The following CYGB variants were observed in gnomAD, a reference collection of about 807,000 sequenced individuals.
CYGB encodes the protein cytoglobin, also known as histoglobin.
CYGB carries 13 observed loss-of-function variants against 20.7 expected under a neutral mutation model. The ratio of observed to expected loss-of-function variants is 0.63; its 90% CI spans 0.41 to 1.00. The LOEUF (loss-of-function observed/expected upper bound fraction) is 1.00. Ranked by LOEUF, CYGB falls within the 50% of genes least tolerant of loss-of-function variation. The probability of loss-of-function intolerance (pLI) is 0.00; values close to 1 mark genes in which losing one functional copy is unlikely to be tolerated. For synonymous variants in CYGB, 93 were observed against 107.4 expected (o/e 0.87, Z 0.83); for missense variants, 218 against 257.2 (o/e 0.85, Z 1.04).
intron 1 of CYGB, chr17:76,544,257 G>A (rs764100191): frequency 5.1e-5 from 23 of 454,414 alleles, no homozygotes; most frequent in Non-Finnish European, 7.5e-5. Context: ...GCCCAGCGGC[G>A]ATGTCTCTGC....
chr17:76,548,418 T>C (rs1198318311), intron 1 of CYGB, among the ~76,000 whole-genome samples: 1 of 152,230 alleles, frequency 6.6e-6, no homozygotes, highest in African/African-American at 2.4e-5. Context: ...GAACCTGCAA[T>C]GTACAAACCC....
chr17:76,540,795 C>T (rs1598212012), upstream of CYGB, among the ~76,000 whole-genome samples: 1 of 152,232 alleles, frequency 6.6e-6, no homozygotes, highest in Non-Finnish European at 1.5e-5. The surrounding 1 kb of genome is among the most constrained non-coding windows in gnomAD (Gnocchi z 5.0). Context: ...GGACCAAAGC[C>T]GCTGTGCCTC....
Position 76,531,245 on chromosome 17 carries a change from C to A in CYGB, c.376-103G>T. The A allele has an allele frequency of 7.4e-7, 1 of 1,349,384 alleles. No homozygotes were observed. The highest frequency in any genetic ancestry group is 1.0e-6 in the Non-Finnish European group (1 of 982,672). The allele number at this position is 1,349,384 out of a possible 1,614,324, so 83.6% of individuals were successfully genotyped here. ...GTGTGGCCGAGAGGATCATTCCTAA[C>A]GCAACAGTCTGGCAGCTTTGGGAAC... is the stretch of plus-strand genomic sequence containing the variant. On this transcript the variant is annotated intron_variant, in intron 2 of 3. Coordinates refer to ENST00000293230, the MANE Select transcript of CYGB (RefSeq NM_134268.5). The surrounding 1 kb of genome is among the most constrained non-coding windows in gnomAD (Gnocchi z 7.4).
At position 76,531,659 on chromosome 17, in the gene CYGB, T is replaced by C. The variant is rs2074845825; in HGVS notation, c.176A>G (p.Tyr59Cys). 1 of 1,602,676 alleles carries C rather than the reference T, an allele frequency of 6.2e-7. No individual in the cohort carries two copies. The highest frequency in any genetic ancestry group is 8.5e-7 in the Non-Finnish European group (1 of 1,170,508). ...FFVNFPSAKQ[Y>C]FSQFKHMEDP... ...CTCCATGTGCTTGAACTGGCTGAAG[T>C]ACTGCTTGGCCGAGGGGAAGTTCAC... The change falls in exon 2 of 4, where the codon TAC becomes TGC. Residue 59 changes from tyrosine (Y) to cysteine (C), a missense_variant. Around this residue, in one of 2 missense-constraint regions of CYGB, gnomAD observed 152 missense variants for 149.9 expected, o/e 1.01. Transcript: ENST00000293230. This position sits in a 1 kb window ranked among gnomAD's most constrained non-coding sequence, Gnocchi z 7.4.
At chr17:76,534,333 C>T (rs1183837301) in intron 1 of CYGB, among the ~76,000 whole-genome samples, 1 of 152,096 alleles carries the variant, frequency 6.6e-6, no homozygotes, top group Non-Finnish European at 1.5e-5. Flanking sequence ...TGCCCGCCAC[C>T]ACACCCGGCT....
At chr17:76,536,650 G>A (rs904666632) in intron 1 of CYGB, among the ~76,000 whole-genome samples, 6 of 152,150 alleles carry the variant, frequency 3.9e-5, no homozygotes, top group Admixed American at 3.9e-4. Context: ...GTCTCTTGGG[G>A]GCATGTAGTG....
chr17:76,530,852 G>T lies in CYGB; in HGVS notation c.539+127C>A. The T allele has an allele frequency of 1.9e-6, 2 of 1,062,486 alleles. No individual in the cohort carries two copies. The highest frequency in any genetic ancestry group is 1.8e-5 in the South Asian group (1 of 56,880). 65.8% of individuals were successfully genotyped at this position (1,062,486 alleles called of 1,614,324 possible). A position where few individuals can be genotyped will look rare whatever the true frequency, so the allele number is the denominator to read the frequency against. On this transcript the variant is annotated intron_variant, in intron 3 of 3. Transcript: ENST00000293230. The surrounding 1 kb of genome is among the most constrained non-coding windows in gnomAD (Gnocchi z 6.1). ...CTGTTCTTACATGTCAGACCCCAGGGTTGGCCTGCCTCAAGTGTGCCTGCC... is the reference window on the plus strand; with the variant it reads ...CTGTTCTTACATGTCAGACCCCAGGTTTGGCCTGCCTCAAGTGTGCCTGCC...
intron 1 of CYGB, among the ~76,000 whole-genome samples, chr17:76,547,689 TCACA>T (rs755549580): frequency 9.3e-5 from 12 of 129,018 alleles, no homozygotes; most frequent in South Asian, 2.7e-4. Context: ...ACACCCACAT[TCACA>T]CACACAGACA....
intron 1 of CYGB, among the ~76,000 whole-genome samples, chr17:76,532,310 G>A (rs914063984): frequency 6.6e-6 from 1 of 152,060 alleles, no homozygotes; most frequent in African/African-American, 2.4e-5. Context: ...ATGTTCCTCG[G>A]GTGAGCCACA....
chr17:76,531,769 G>C lies in CYGB; in HGVS notation c.144-78C>G. On this transcript the variant is annotated intron_variant, in intron 1 of 3. Transcript: ENST00000293230. The surrounding 1 kb of genome is among the most constrained non-coding windows in gnomAD (Gnocchi z 7.4). ...CCCTGAAGCTTCCAGGATAGTGGGGGCTGAAGAAGTGGACCGCAGTGCTCC... is the reference window on the plus strand; with the variant it reads ...CCCTGAAGCTTCCAGGATAGTGGGGCCTGAAGAAGTGGACCGCAGTGCTCC... The C allele has an allele frequency of 7.9e-7, 1 of 1,267,316 alleles. No individual in the cohort carries two copies. Among genetic ancestry groups the C allele is most frequent in the Non-Finnish European group, 1.1e-6 (1 of 904,668 alleles). The allele number at this position is 1,267,316 out of a possible 1,614,324, so 78.5% of individuals were successfully genotyped here. A position where few individuals can be genotyped will look rare whatever the true frequency, so the allele number is the denominator to read the frequency against.
upstream of CYGB, chr17:76,540,534 G>A (rs764158636): frequency 1.2e-6 from 2 of 1,613,682 alleles, no homozygotes; most frequent in East Asian, 4.5e-5. This position sits in a 1 kb window ranked among gnomAD's most constrained non-coding sequence, Gnocchi z 5.0. Context: ...GGGGCAGCTA[G>A]GGGCAGCAGC....
At chr17:76,529,197 G>C (rs2074803798) in intron 3 of CYGB, 1 of 985,296 alleles carries the variant, frequency 1.0e-6, no homozygotes, top group African/African-American at 1.7e-5. Context: ...TCCTACCCTC[G>C]AGCCCATGGG....
At chr17:76,534,612 C>T (rs908727200) in intron 1 of CYGB, among the ~76,000 whole-genome samples, 1 of 152,254 alleles carries the variant, frequency 6.6e-6, no homozygotes, top group Admixed American at 6.5e-5. Flanking sequence ...GAGGTAGGCA[C>T]TGTTTTAATC....
At chr17:76,538,325 T>TAGCACGGGGGTC (rs2074947037), upstream of CYGB, 1 of 308,198 alleles carries the variant, frequency 3.2e-6, no homozygotes, top group African/African-American at 2.3e-5. Flanking sequence ...TCTGGGGGGT[T>TAGCACGGGGGTC]AGCACGGGGG....
At chr17:76,539,043 G>T (rs1198111225), upstream of CYGB, among the ~76,000 whole-genome samples, 1 of 152,208 alleles carries the variant, frequency 6.6e-6, no homozygotes, top group African/African-American at 2.4e-5. Flanking sequence ...GGTGCCTGGG[G>T]GACCCTGAGG....
At chr17:76,551,047 C>G (rs1180896818) in exon 1 of CYGB, 1 of 152,230 alleles carries the variant, frequency 6.6e-6, no homozygotes, top group Non-Finnish European at 1.5e-5. Flanking sequence ...TCCAAGTCCT[C>G]CTGGGTTGCA....
At chr17:76,542,506 G>A, upstream of CYGB, 2 of 1,612,732 alleles carry the variant, frequency 1.2e-6, no homozygotes, top group East Asian at 4.5e-5. Context: ...AGAAACATGG[G>A]AAGGTCGTGC....
Position 76,527,678 on chromosome 17 carries a change from G to A in CYGB, c.*900C>T, listed in dbSNP as rs752344620. On this transcript the variant is annotated 3_prime_UTR_variant, in exon 4 of 4. Coordinates refer to ENST00000293230, the MANE Select transcript of CYGB (RefSeq NM_134268.5). Reference sequence around the variant, plus strand: ...GGGTGAGACCCAGGCATGTGGTCCCGCCGACCTGCTGCCCAGCAGCCCGGA... The same window carrying A: ...GGGTGAGACCCAGGCATGTGGTCCCACCGACCTGCTGCCCAGCAGCCCGGA... 4.4e-5 allele frequency: 20 copies of A among 453,852 alleles called. No individual in the cohort carries two copies. Among genetic ancestry groups the A allele is most frequent in the South Asian group, 2.0e-4 (13 of 64,480 alleles). The allele number at this position is 453,852 out of a possible 1,614,324, so 28.1% of individuals were successfully genotyped here.
At chr17:76,540,147 C>T, upstream of CYGB, 1 of 1,603,858 alleles carries the variant, frequency 6.2e-7, no homozygotes, top group Non-Finnish European at 8.5e-7. The surrounding 1 kb of genome is among the most constrained non-coding windows in gnomAD (Gnocchi z 5.0). Flanking sequence ...GCGCCATGTG[C>T]ACCACCCTTT....
Sources: allele counts gnomAD v4.1 joint callset (sites outside exome capture counted in the v4.1 genomes callset), GRCh38; gene constraint gnomAD v4.1.1; regional missense constraint gnomAD v4.1.1; non-coding constraint Gnocchi (gnomAD v3.1); transcripts MANE v1.5; gene names NCBI Gene and HGNC (gene_info 2026-07-23, HGNC 2026-07-21).